Variants in PTBP2 observed in about 807,000 individuals in gnomAD.
PTBP2 encodes the protein polypyrimidine tract binding protein 2.
A neutral mutation model predicts 61.4 loss-of-function variants in PTBP2; 13 were observed. The observed-to-expected ratio is 0.21, with a 90% CI of 0.14 to 0.34. The LOEUF is 0.34. Among genes scored for constraint, PTBP2 ranks in the 10% least tolerant of loss-of-function variants. The probability of loss-of-function intolerance (pLI) is 1.00; values close to 1 mark genes in which losing one functional copy is unlikely to be tolerated. For missense variants in PTBP2, 405 were observed against 642.6 expected, an observed-to-expected ratio of 0.63 and a Z score of 4.00; for synonymous variants, 215 against 218.5, an observed-to-expected ratio of 0.98 and a Z score of 0.14.
intron 8 of PTBP2, among the ~76,000 whole-genome samples, chr1:96,795,498 G>A (rs1439186903): frequency 6.6e-6 from 1 of 152,062 alleles, no homozygotes; most frequent in South Asian, 2.1e-4. Flanking sequence ...TAAAATTTTG[G>A]TTCAAGATTT....
At chr1:96,747,865 C>A (rs1353606942) in intron 2 of PTBP2, among the ~76,000 whole-genome samples, 2 of 151,770 alleles carry the variant, frequency 1.3e-5, no homozygotes, top group African/African-American at 4.8e-5. Context: ...AAAGTTTTCC[C>A]TGTATTTGTG....
intron 8 of PTBP2, among the ~76,000 whole-genome samples, chr1:96,798,163 T>C (rs1239399823): frequency 1.3e-5 from 2 of 151,792 alleles, no homozygotes; most frequent in African/African-American, 4.8e-5. Flanking sequence ...CCCAGCACTT[T>C]GGGAGGCTAA....
chr1:96,772,064 G>T (rs755331217), intron 5 of PTBP2, among the ~76,000 whole-genome samples: 2 of 151,952 alleles, frequency 1.3e-5, no homozygotes, highest in Non-Finnish European at 2.9e-5. Flanking sequence ...ACTGTCTGCC[G>T]GGAGATAGCA....
At chr1:96,779,302 AC>A in intron 7 of PTBP2, among the ~76,000 whole-genome samples, 1 of 152,190 alleles carries the variant, frequency 6.6e-6, no homozygotes, top group Non-Finnish European at 1.5e-5. Flanking sequence ...GACATTTTTC[AC>A]AACTTCAAAC....
At chr1:96,739,437 T>C (rs1052512241) in intron 2 of PTBP2, among the ~76,000 whole-genome samples, 3 of 152,082 alleles carry the variant, frequency 2.0e-5, no homozygotes, top group African/African-American at 7.2e-5. Context: ...GAACTGAAAC[T>C]CTATACTGAT....
At chr1:96,747,325 G>C (rs781304861) in intron 2 of PTBP2, among the ~76,000 whole-genome samples, 3 of 151,934 alleles carry the variant, frequency 2.0e-5, no homozygotes, top group Admixed American at 6.6e-5. Context: ...GCTGTGATAC[G>C]GTTTCTTATA....
intron 3 of PTBP2, 46 bp downstream of exon 3, chr1:96,751,546 G>A (rs1470036940): frequency 4.9e-6 from 7 of 1,434,322 alleles, no homozygotes; most frequent in Non-Finnish European, 5.8e-6. Flanking sequence ...ATTTTAGGGG[G>A]CAGAATGTTA....
At position 96,739,369 on chromosome 1, in the gene PTBP2, A is replaced by G. The variant is rs115977152; in HGVS notation, c.40-12056A>G. Among the ~76,000 whole-genome samples, 1,342 of 152,218 alleles carry G rather than the reference A, an allele frequency of 8.8e-3. 12 individuals carry two copies. The highest frequency in any genetic ancestry group is 0.014 in the Admixed American group (219 of 15,276). Reference sequence around the variant, plus strand: ...AAGTGTACACTTAAATTGTTTAATTATTCTTATACGTACTTAATAATATTA... The same window carrying G: ...AAGTGTACACTTAAATTGTTTAATTGTTCTTATACGTACTTAATAATATTA... On this transcript the variant is annotated intron_variant, in intron 2 of 13. Coordinates refer to ENST00000674951, the MANE Select transcript of PTBP2 (RefSeq NM_021190.4).
intron 2 of PTBP2, among the ~76,000 whole-genome samples, chr1:96,745,258 G>A (rs981366030): frequency 1.3e-5 from 2 of 151,676 alleles, no homozygotes; most frequent in African/African-American, 4.9e-5. Flanking sequence ...CGCCTCCCTG[G>A]TTCACCCCAT....
At position 96,773,792 on chromosome 1, in the gene PTBP2, G is replaced by A. The variant is rs537568527; in HGVS notation, c.432+2941G>A. The stretch of plus-strand genomic sequence containing the variant: ...GAGATCGAGACCATGGTGAAACCCC[G>A]TCTGTACTAAAAATACGAAAATTAG... On this transcript the variant is annotated intron_variant, in intron 5 of 13. Coordinates refer to ENST00000674951, the MANE Select transcript of PTBP2 (RefSeq NM_021190.4). Among the ~76,000 whole-genome samples, 58 of 151,552 alleles carry A rather than the reference G, an allele frequency of 3.8e-4. No individual in the cohort carries two copies. The South Asian group carries it at 5.9e-3, about 15-fold the overall frequency.
chr1:96,750,997 A>G (rs913066409), intron 2 of PTBP2, among the ~76,000 whole-genome samples: 6 of 152,072 alleles, frequency 3.9e-5, no homozygotes, highest in Non-Finnish European at 1.5e-5. Context: ...AATGATGAAG[A>G]TATTGATATC....
At chr1:96,732,656 G>A (rs1651586653) in intron 2 of PTBP2, among the ~76,000 whole-genome samples, 1 of 152,198 alleles carries the variant, frequency 6.6e-6, no homozygotes, top group Admixed American at 6.5e-5. Flanking sequence ...TTTTAATTAA[G>A]TGCTATATGG....
At chr1:96,765,778 T>C (rs1000325707) in intron 3 of PTBP2, among the ~76,000 whole-genome samples, 13 of 152,028 alleles carry the variant, frequency 8.6e-5, no homozygotes, top group African/African-American at 2.9e-4. Context: ...AGAGTGTTTA[T>C]ATTTAATAAG....
intron 8 of PTBP2, among the ~76,000 whole-genome samples, chr1:96,802,630 G>C (rs1275931839): frequency 6.6e-6 from 1 of 152,076 alleles, no homozygotes; most frequent in African/African-American, 2.4e-5. Context: ...TTTGAAAACA[G>C]ACTTTATTGT....
At chr1:96,804,101 C>T (rs1661282095) in intron 8 of PTBP2, among the ~76,000 whole-genome samples, 1 of 152,040 alleles carries the variant, frequency 6.6e-6, no homozygotes, top group Non-Finnish European at 1.5e-5. Flanking sequence ...GAAATGATAA[C>T]ATAGATTGGG....
downstream of PTBP2, chr1:96,815,308 A>G (rs1187439535): frequency 6.6e-6 from 1 of 151,756 alleles, no homozygotes; most frequent in African/African-American, 2.4e-5. Context: ...TTTCTTACTA[A>G]TCTTAGACTA....
At chr1:96,816,361 C>T (rs1050550902), downstream of PTBP2, 1 of 152,098 alleles carries the variant, frequency 6.6e-6, no homozygotes, top group African/African-American at 2.4e-5. Context: ...TATATTAGTA[C>T]TCTATGACTC....
intron 3 of PTBP2, among the ~76,000 whole-genome samples, chr1:96,756,396 A>G (rs1322535155): frequency 6.6e-6 from 1 of 152,216 alleles, no homozygotes; most frequent in Non-Finnish European, 1.5e-5. Flanking sequence ...GCGAGACTCC[A>G]TCTCAAATAT....
chr1:96,748,315 A>C (rs1303317329), intron 2 of PTBP2, among the ~76,000 whole-genome samples: 2 of 152,244 alleles, frequency 1.3e-5, no homozygotes, highest in East Asian at 3.8e-4. Context: ...ACATGGTATT[A>C]ATAGTTGGAC....
Sources: gnomAD v4.1 joint callset for allele counts (sites outside exome capture counted in the v4.1 genomes callset) on GRCh38, gnomAD v4.1.1 for gene constraint, MANE v1.5 for transcripts, NCBI Gene and HGNC (gene_info 2026-07-23, HGNC 2026-07-21) for gene names.